Variants in AGBL1 observed in about 807,000 individuals in gnomAD.
The protein encoded by AGBL1 is AGBL carboxypeptidase 1.
In AGBL1, 130 loss-of-function variants were observed where a neutral mutation model predicts 118.9. The observed-to-expected ratio is 1.09, with a 90% CI of 0.95 to 1.26. AGBL1 has a LOEUF of 1.26. Ranked by LOEUF, AGBL1 falls within the 50% of genes most tolerant of loss-of-function variation. The pLI is 0.00. For synonymous variants in AGBL1, 555 were observed against 478.9 expected (o/e 1.16, Z -2.08); for missense variants, 1,584 against 1,298.1 (o/e 1.22, Z -3.38).
At chr15:86,482,003 A>G (rs577626228) in intron 18 of AGBL1, among the ~76,000 whole-genome samples, 166 of 152,298 alleles carry the variant, frequency 1.1e-3, no homozygotes, top group African/African-American at 3.8e-3. Context: ...AGATGCTGCC[A>G]GAGATAAGTC....
intron 22 of AGBL1, among the ~76,000 whole-genome samples, chr15:86,901,866 AT>A (rs1397636595): frequency 1.3e-5 from 2 of 151,898 alleles, no homozygotes; most frequent in East Asian, 1.9e-4. Flanking sequence ...TTGTGGATGA[AT>A]TTTTTTTAGT....
chr15:86,089,803 T>C (rs1353672201), intron 1 of AGBL1, among the ~76,000 whole-genome samples: 1 of 152,200 alleles, frequency 6.6e-6, no homozygotes, highest in Non-Finnish European at 1.5e-5. Flanking sequence ...AGATACCCTT[T>C]ACTTTTCATA....
intron 1 of AGBL1, among the ~76,000 whole-genome samples, chr15:86,109,494 T>C (rs921581420): frequency 2.6e-5 from 4 of 152,252 alleles, no homozygotes; most frequent in Non-Finnish European, 5.9e-5. Flanking sequence ...TGACATTTTA[T>C]ATAATACCAT....
intron 22 of AGBL1, among the ~76,000 whole-genome samples, chr15:86,817,495 G>GGA (rs772111583): frequency 2.1e-3 from 202 of 96,734 alleles, no homozygotes; most frequent in Admixed American, 3.0e-3. Context: ...CACACACAGA[G>GGA]GAGAGAGAGA....
chr15:86,786,904 G>A (rs1463794863), intron 22 of AGBL1, among the ~76,000 whole-genome samples: 1 of 152,016 alleles, frequency 6.6e-6, no homozygotes, highest in African/African-American at 2.4e-5. Flanking sequence ...GGAGAGTGTC[G>A]AGCCAAAAGG....
At chr15:86,465,090 G>C (rs754252962) in intron 18 of AGBL1, among the ~76,000 whole-genome samples, 7 of 152,060 alleles carry the variant, frequency 4.6e-5, no homozygotes, top group Non-Finnish European at 7.4e-5. Flanking sequence ...TCCGAACGGA[G>C]GGACCAGCTG....
At chr15:86,969,877 G>A (rs1425848473) in intron 23 of AGBL1, among the ~76,000 whole-genome samples, 1 of 151,862 alleles carries the variant, frequency 6.6e-6, no homozygotes, top group East Asian at 1.9e-4. Context: ...TGAGGAATGT[G>A]GGAAGAACAC....
chr15:86,673,508 C>A (rs2085782292), intron 21 of AGBL1, among the ~76,000 whole-genome samples: 1 of 152,216 alleles, frequency 6.6e-6, no homozygotes, highest in Admixed American at 6.5e-5. Context: ...AGATGCTAGG[C>A]CTTGGATAAG....
intron 21 of AGBL1, among the ~76,000 whole-genome samples, chr15:86,616,857 A>G (rs1309525351): frequency 1.3e-5 from 2 of 152,202 alleles, no homozygotes; most frequent in African/African-American, 4.8e-5. Flanking sequence ...AGAAACTGAA[A>G]GGGCTAGTCC....
At chr15:86,359,903 T>C (rs560977129) in intron 17 of AGBL1, among the ~76,000 whole-genome samples, 15 of 152,140 alleles carry the variant, frequency 9.9e-5, no homozygotes, top group African/African-American at 3.6e-4. Context: ...TTTATGCAAC[T>C]TTACTGAATT....
chr15:86,561,803 A>G (rs913175986), intron 21 of AGBL1, among the ~76,000 whole-genome samples: 2 of 152,208 alleles, frequency 1.3e-5, no homozygotes, highest in Non-Finnish European at 2.9e-5. Flanking sequence ...ATGTTCTTCC[A>G]TTTGTTTGTA....
intron 18 of AGBL1, among the ~76,000 whole-genome samples, chr15:86,461,965 T>C (rs1163507132): frequency 1.3e-5 from 2 of 152,118 alleles, no homozygotes; most frequent in Non-Finnish European, 2.9e-5. Flanking sequence ...ATACAACCCC[T>C]CCCTGCCTCA....
At chr15:86,832,050 C>T (rs912877455) in intron 22 of AGBL1, among the ~76,000 whole-genome samples, 29 of 152,240 alleles carry the variant, frequency 1.9e-4, no homozygotes, top group African/African-American at 4.1e-4. Flanking sequence ...TCTGAAGCAA[C>T]GGCCTGAGCT....
At chr15:86,486,657 G>A (rs1290499285) in intron 18 of AGBL1, among the ~76,000 whole-genome samples, 1 of 152,100 alleles carries the variant, frequency 6.6e-6, no homozygotes, top group African/African-American at 2.4e-5. Context: ...CTTTATTATA[G>A]TACAGACTTT....
At chr15:86,648,512 G>A (rs976770148) in intron 21 of AGBL1, among the ~76,000 whole-genome samples, 2 of 152,154 alleles carry the variant, frequency 1.3e-5, no homozygotes, top group Non-Finnish European at 2.9e-5. Flanking sequence ...TGGAGCAGGT[G>A]GGGACAATAT....
chr15:86,237,047 C>T (rs1055943978), intron 6 of AGBL1, among the ~76,000 whole-genome samples: 4 of 150,128 alleles, frequency 2.7e-5, no homozygotes, highest in Admixed American at 6.7e-5. Flanking sequence ...TTTAATGGCC[C>T]ACATTTGCAT....
At chr15:86,463,256 A>G (rs1488196747) in intron 18 of AGBL1, among the ~76,000 whole-genome samples, 1 of 148,860 alleles carries the variant, frequency 6.7e-6, no homozygotes, top group Non-Finnish European at 1.5e-5. Flanking sequence ...GTGTCTGTTC[A>G]TATCCTTTGC....
At chr15:86,562,917 T>A (rs919891018) in intron 21 of AGBL1, among the ~76,000 whole-genome samples, 1 of 152,240 alleles carries the variant, frequency 6.6e-6, no homozygotes, top group African/African-American at 2.4e-5. Context: ...CTAGATTTTC[T>A]AGTTTATTTG....
intron 5 of AGBL1, among the ~76,000 whole-genome samples, chr15:86,159,270 A>G (rs184263358): frequency 6.6e-6 from 1 of 152,260 alleles, no homozygotes; most frequent in Admixed American, 6.5e-5. Flanking sequence ...GAGCAAGTTA[A>G]AATATGTCGA....
Sources: gnomAD v4.1 joint callset for allele counts (sites outside exome capture counted in the v4.1 genomes callset) on GRCh38, gnomAD v4.1.1 for gene constraint, MANE v1.5 for transcripts, NCBI Gene and HGNC (gene_info 2026-07-23, HGNC 2026-07-21) for gene names.